Variants in ARSB observed in about 807,000 individuals in gnomAD.
ARSB encodes N-acetylgalactosamine-4-sulfatase.
ARSB carries 41 observed loss-of-function variants against 50.9 expected under a neutral mutation model. That is an observed-to-expected ratio of 0.81 (90% CI 0.63 to 1.04). The LOEUF is 1.04. Ranked by LOEUF, ARSB falls within the 50% of genes least tolerant of loss-of-function variation. The probability of loss-of-function intolerance (pLI) is 0.00; values close to 1 mark genes in which losing one functional copy is unlikely to be tolerated. For synonymous variants in ARSB, 269 were observed against 284.8 expected (o/e 0.94, Z 0.56); for missense variants, 672 against 693.3 (o/e 0.97, Z 0.35).
At chr5:78,984,761 G>A (rs1350280037) in intron 1 of ARSB, among the ~76,000 whole-genome samples, 176 bp downstream of exon 1, 2 of 152,006 alleles carry the variant, frequency 1.3e-5, no homozygotes, top group Non-Finnish European at 2.9e-5. Flanking sequence ...AGAGGCCGCG[G>A]CGGGCTGCCG....
chr5:78,806,738 C>T (rs1196279619), intron 6 of ARSB, among the ~76,000 whole-genome samples: 2 of 152,216 alleles, frequency 1.3e-5, no homozygotes, highest in East Asian at 3.8e-4. Context: ...CGTCTCCATA[C>T]TCACGATTAC....
At position 78,780,592 on chromosome 5, in the gene ARSB, G is replaced by A; in HGVS notation, c.1407C>T (p.Thr469=). The A allele has an allele frequency of 6.2e-7, 1 of 1,614,094 alleles. No homozygotes were observed. The highest frequency in any genetic ancestry group is 1.1e-5 in the South Asian group (1 of 91,078). The part of the protein sequence containing the change: ...VSEIPSSDPP[T]KTLWLFDIDR... The stretch of plus-strand genomic sequence containing the variant: ...CAATATCAAAGAGCCAGAGGGTCTT[G>A]GTTGGTGGGTCTGATGAGGGTATCT... The change falls in exon 8 of 8, where the codon ACC becomes ACT. Residue 469 remains threonine, a synonymous_variant. Transcript: ENST00000264914.
At chr5:78,942,749 A>G (rs1419104151) in intron 4 of ARSB, among the ~76,000 whole-genome samples, 1 of 152,112 alleles carries the variant, frequency 6.6e-6, no homozygotes, top group Non-Finnish European at 1.5e-5. Context: ...AAAAGAATGT[A>G]TATTCTGTTG....
chr5:78,953,829 A>G (rs969935458), intron 4 of ARSB, among the ~76,000 whole-genome samples: 3 of 152,240 alleles, frequency 2.0e-5, no homozygotes, highest in Admixed American at 6.5e-5. Flanking sequence ...AATGTTGGCA[A>G]TATCAGCAAA....
chr5:78,852,760 T>C (rs1176617844), intron 5 of ARSB, among the ~76,000 whole-genome samples: 3 of 152,122 alleles, frequency 2.0e-5, no homozygotes, highest in African/African-American at 4.8e-5. Context: ...TCGTTTCTTT[T>C]TATTCTTTTT....
intron 6 of ARSB, among the ~76,000 whole-genome samples, chr5:78,811,724 G>C (rs552576144): frequency 7.2e-5 from 11 of 152,238 alleles, no homozygotes; most frequent in African/African-American, 2.6e-4. Context: ...TGTGTGAGAG[G>C]AAAAAGCAAA....
intron 2 of ARSB, among the ~76,000 whole-genome samples, chr5:78,965,541 G>A (rs1752167717): frequency 6.6e-6 from 1 of 152,008 alleles, no homozygotes; most frequent in Non-Finnish European, 1.5e-5. Flanking sequence ...TTCTACAATT[G>A]GATTGCCATG....
At chr5:78,842,776 T>C (rs1208071148) in intron 5 of ARSB, among the ~76,000 whole-genome samples, 2 of 106,932 alleles carry the variant, frequency 1.9e-5, no homozygotes, top group African/African-American at 7.6e-5. Flanking sequence ...TTTTGTTTTT[T>C]TCCCTTTTTT....
chr5:78,845,820 C>T (rs962797985), intron 5 of ARSB, among the ~76,000 whole-genome samples: 1 of 152,120 alleles, frequency 6.6e-6, no homozygotes. Context: ...TATTTTCTCC[C>T]ATTATGCAGG....
intron 4 of ARSB, among the ~76,000 whole-genome samples, chr5:78,939,474 T>A (rs1330988802): frequency 6.6e-6 from 1 of 152,096 alleles, no homozygotes; most frequent in Admixed American, 6.5e-5. Context: ...GATGTTTCCC[T>A]TCCTGTGTCC....
At chr5:78,920,427 A>G (rs1207582484) in intron 4 of ARSB, among the ~76,000 whole-genome samples, 1 of 152,162 alleles carries the variant, frequency 6.6e-6, no homozygotes, top group African/African-American at 2.4e-5. Context: ...GGATGAAGTC[A>G]TTTATCTGGA....
intron 1 of ARSB, among the ~76,000 whole-genome samples, chr5:78,975,752 G>A (rs1246315263): frequency 1.3e-5 from 2 of 152,190 alleles, no homozygotes; most frequent in Non-Finnish European, 2.9e-5. Context: ...TTAAGATGGT[G>A]AGCTCTTTCA....
intron 4 of ARSB, among the ~76,000 whole-genome samples, chr5:78,923,947 T>C (rs940870756): frequency 6.6e-6 from 1 of 152,180 alleles, no homozygotes; most frequent in Non-Finnish European, 1.5e-5. Context: ...GCCCAGCCCT[T>C]ATGAACCTCC....
At chr5:78,928,205 C>T (rs1275191763) in intron 4 of ARSB, among the ~76,000 whole-genome samples, 1 of 151,856 alleles carries the variant, frequency 6.6e-6, no homozygotes, top group African/African-American at 2.4e-5. Flanking sequence ...ACATGCTAGA[C>T]TGCTTCCCCA....
chr5:78,809,007 C>T (rs1013173144), intron 6 of ARSB, among the ~76,000 whole-genome samples: 4 of 152,174 alleles, frequency 2.6e-5, no homozygotes, highest in Admixed American at 6.5e-5. Flanking sequence ...TCTCAGATAA[C>T]GGATTTGCAA....
In ARSB at chr5:78,971,601, C is replaced by T. The variant is rs138851488; in HGVS notation, c.313-2409G>A. Among the ~76,000 whole-genome samples the T allele has an allele frequency of 1.3e-4, 20 of 152,338 alleles. No homozygotes were observed. The East Asian group carries it at 3.9e-3, about 29-fold the overall frequency. ...ATTAAATCCCATCCTGGCTTTATCA[C>T]TTATGAGCTTTGTAACCCCGGGCAG... On this transcript the variant is annotated intron_variant, in intron 1 of 7. Coordinates refer to ENST00000264914, the MANE Select transcript of ARSB (RefSeq NM_000046.5).
intron 1 of ARSB, 65 bp downstream of exon 1, chr5:78,984,872 A>G: frequency 8.3e-7 from 1 of 1,201,732 alleles, no homozygotes; most frequent in South Asian, 3.4e-5. Flanking sequence ...AGGGCCGGGT[A>G]GGAGCGGCAG....
At chr5:78,899,060 A>G (rs747063489) in intron 4 of ARSB, among the ~76,000 whole-genome samples, 8 of 152,098 alleles carry the variant, frequency 5.3e-5, no homozygotes, top group Non-Finnish European at 7.4e-5. Context: ...TATTTGAATG[A>G]TAATTTTGCT....
chr5:78,973,962 A>G (rs962515863), intron 1 of ARSB, among the ~76,000 whole-genome samples: 5 of 152,226 alleles, frequency 3.3e-5, no homozygotes, highest in Non-Finnish European at 5.9e-5. Context: ...CTTATACACC[A>G]GAGAGCCTAT....
Sources: allele counts gnomAD v4.1 joint callset (sites outside exome capture counted in the v4.1 genomes callset), GRCh38; gene constraint gnomAD v4.1.1; transcripts MANE v1.5; gene names NCBI Gene and HGNC (gene_info 2026-07-23, HGNC 2026-07-21).